The following FCER1A variants were observed in gnomAD, a reference collection of about 807,000 sequenced individuals.
The protein encoded by FCER1A is high affinity immunoglobulin epsilon receptor subunit alpha.
FCER1A carries 24 observed loss-of-function variants against 23.6 expected under a neutral mutation model. The observed-to-expected ratio is 1.02, with a 90% CI of 0.74 to 1.43. FCER1A has a LOEUF of 1.43. Ranked by LOEUF, FCER1A falls within the 40% of genes most tolerant of loss-of-function variation. FCER1A has a pLI of 0.00. For synonymous variants in FCER1A, 121 were observed against 108.8 expected, an observed-to-expected ratio of 1.11 and a Z score of -0.70; for missense variants, 318 against 294.5, an observed-to-expected ratio of 1.08 and a Z score of -0.58.
chr1:159,301,824 GTTAT>G (rs1196367839), upstream of FCER1A, among the ~76,000 whole-genome samples: 1 of 152,158 alleles, frequency 6.6e-6, no homozygotes, highest in Admixed American at 6.5e-5. Flanking sequence ...CCCCAAATTA[GTTAT>G]TTAATAGTTG....
At chr1:159,297,911 T>C (rs1025280821), upstream of FCER1A, among the ~76,000 whole-genome samples, 1 of 152,146 alleles carries the variant, frequency 6.6e-6, no homozygotes, top group African/African-American at 2.4e-5. Flanking sequence ...AACTTTTTTA[T>C]ACTACAACTT....
intron 1 of FCER1A, among the ~76,000 whole-genome samples, chr1:159,293,849 A>G (rs1409608045): frequency 2.0e-5 from 3 of 151,958 alleles, no homozygotes; most frequent in Non-Finnish European, 4.4e-5. Context: ...AGAATCTACA[A>G]TGAACTCAAA....
upstream of FCER1A, among the ~76,000 whole-genome samples, chr1:159,286,412 A>G (rs977258173): frequency 1.8e-4 from 27 of 151,516 alleles, no homozygotes; most frequent in African/African-American, 6.5e-4. Flanking sequence ...GGCTCACTGC[A>G]AGCTCCGCCT....
At chr1:159,291,953 A>T (rs540554241) in intron 1 of FCER1A, among the ~76,000 whole-genome samples, 11 of 152,190 alleles carry the variant, frequency 7.2e-5, no homozygotes, top group African/African-American at 2.2e-4. Context: ...GTAATTAACG[A>T]TTTCCTCTAG....
intron 1 of FCER1A, among the ~76,000 whole-genome samples, chr1:159,297,126 C>G (rs1283539649): frequency 6.6e-6 from 1 of 152,158 alleles, no homozygotes; most frequent in Non-Finnish European, 1.5e-5. Context: ...ATAAACCTGG[C>G]CTACACTACA....
chr1:159,306,199 G>A lies in FCER1A; in HGVS notation c.543G>A (p.Trp181Ter), dbSNP rs537550419. The change falls in exon 4 of 5, where the codon TGG becomes TGA. Residue 181 changes from tryptophan to a stop codon, truncating the protein, a stop_gained. Coordinates refer to ENST00000693622, the MANE Select transcript of FCER1A (RefSeq NM_001387280.1). LOFTEE classifies it low-confidence loss of function (END_TRUNC). Reference sequence around the variant, plus strand: ...CCTACTACTGTACGGGCAAAGTGTGGCAGCTGGACTATGAGTCTGAGCCCC... The same window carrying A: ...CCTACTACTGTACGGGCAAAGTGTGACAGCTGGACTATGAGTCTGAGCCCC... ...SGTYYCTGKV[W>*]QLDYESEPLN... 1.9e-6 allele frequency: 3 copies of A among 1,614,154 alleles called. No individual in the cohort carries two copies. The highest frequency in any genetic ancestry group is 2.5e-6 in the Non-Finnish European group (3 of 1,180,026).
upstream of FCER1A, among the ~76,000 whole-genome samples, chr1:159,287,055 T>C (rs1271700999): frequency 1.3e-5 from 2 of 152,170 alleles, no homozygotes; most frequent in African/African-American, 4.8e-5. Context: ...TTGAAAAATC[T>C]AGGGCATTTT....
At chr1:159,284,764 C>A (rs150102147), upstream of FCER1A, among the ~76,000 whole-genome samples, 2 of 152,028 alleles carry the variant, frequency 1.3e-5, no homozygotes, top group Non-Finnish European at 2.9e-5. Context: ...ACTTTTGTAG[C>A]CTTTCTTCTT....
intron 2 of FCER1A, 102 bp from the exon 3 acceptor site, chr1:159,303,825 AC>A: frequency 1.2e-6 from 1 of 855,426 alleles, no homozygotes; most frequent in Admixed American, 2.5e-5. Context: ...CAGGTTGACC[AC>A]TGATTGTCAG....
the FCER1A span, among the ~76,000 whole-genome samples, chr1:159,284,441 G>A: frequency 6.6e-6 from 1 of 152,212 alleles, no homozygotes; most frequent in South Asian, 2.1e-4. Flanking sequence ...CTGCACCCAT[G>A]TGAGATGTTT....
rs561675998 is a variant in FCER1A at position 159,302,821 on chromosome 1, G to A, written c.56-33G>A. On this transcript the variant is annotated intron_variant, in intron 1 of 4. Transcript: ENST00000693622. ...TCCTCTGGAGATAAAGAAGACTGCT[G>A]GACACTAATGTATCCTCTCTGGACT... 1.2e-5 allele frequency: 19 copies of A among 1,608,166 alleles called. No homozygotes were observed. In the South Asian group the frequency reaches 2.1e-4, roughly 18 times the overall value.
upstream of FCER1A, among the ~76,000 whole-genome samples, chr1:159,288,182 T>C (rs890175315): frequency 1.3e-5 from 2 of 152,214 alleles, no homozygotes; most frequent in African/African-American, 4.8e-5. Context: ...CTGGTACACT[T>C]ACTGTTAAAA....
At position 159,305,959 on chromosome 1, in the gene FCER1A, AAATAAAT is replaced by A. The variant is rs773643820; in HGVS notation, c.332-25_332-19del. 2.5e-6 allele frequency: 4 copies of A among 1,593,072 alleles called. No homozygotes were observed. The South Asian group carries it at 4.4e-5, about 18-fold the overall frequency. On this transcript the variant is annotated intron_variant, in intron 3 of 4. Transcript: ENST00000693622. ...ATTCTCTCTCTCTTCATTTATTGTTAAATAAATAATGTAATGAATGTTCTTCAGACTG... is the reference window on the plus strand; with the variant it reads ...ATTCTCTCTCTCTTCATTTATTGTTAAATGTAATGAATGTTCTTCAGACTG...
chr1:159,292,596 C>G (rs964613062), intron 1 of FCER1A, among the ~76,000 whole-genome samples: 13 of 152,102 alleles, frequency 8.5e-5, no homozygotes, highest in Non-Finnish European at 1.5e-4. Flanking sequence ...AAAAAACCTA[C>G]AGATTACATG....
intron 2 of FCER1A, among the ~76,000 whole-genome samples, chr1:159,303,707 A>G (rs923406741): frequency 5.9e-5 from 9 of 152,172 alleles, no homozygotes; most frequent in African/African-American, 2.2e-4. Flanking sequence ...AATCTCCTGC[A>G]TATGTGTCCT....
chr1:159,298,956 TATCTATCTATCTGTCAATCAATC>T (rs1225665277), upstream of FCER1A, among the ~76,000 whole-genome samples: 2 of 152,172 alleles, frequency 1.3e-5, no homozygotes, highest in African/African-American at 4.8e-5. Context: ...AAGACATCTT[TATCTATCTATCTGTCAATCAATC>T]ATCTATCTAT....
upstream of FCER1A, among the ~76,000 whole-genome samples, chr1:159,299,221 G>A (rs1652368857): frequency 1.3e-5 from 2 of 152,164 alleles, no homozygotes; most frequent in African/African-American, 2.4e-5. Context: ...TAAATATCAC[G>A]AGCAGACAGG....
At chr1:159,291,795 A>G (rs1006580836) in intron 1 of FCER1A, among the ~76,000 whole-genome samples, 1 of 152,038 alleles carries the variant, frequency 6.6e-6, no homozygotes, top group African/African-American at 2.4e-5. Context: ...TGCTTCCTCA[A>G]TTCCTATTCA....
upstream of FCER1A, among the ~76,000 whole-genome samples, chr1:159,301,217 G>T (rs766485111): frequency 2.0e-5 from 3 of 152,162 alleles, no homozygotes; most frequent in Admixed American, 2.0e-4. Flanking sequence ...GTCTTCTTCA[G>T]AGTTTTGGTA....
Sources: gnomAD v4.1 joint callset for allele counts (sites outside exome capture counted in the v4.1 genomes callset) on GRCh38, gnomAD v4.1.1 for gene constraint, MANE v1.5 for transcripts, NCBI Gene and HGNC (gene_info 2026-07-23, HGNC 2026-07-21) for gene names.